COP1: variants seen among roughly 807,000 people sequenced by gnomAD.
COP1 encodes the protein COP1 E3 ubiquitin ligase.
In COP1, 24 loss-of-function variants were observed where a neutral mutation model predicts 101.3. The ratio of observed to expected loss-of-function variants is 0.24; its 90% CI spans 0.17 to 0.33. The LOEUF is 0.33. Among genes scored for constraint, COP1 ranks in the 10% least tolerant of loss-of-function variants. The pLI, the probability that COP1 is intolerant of heterozygous loss-of-function variation, is 1.00. For synonymous variants in COP1, 347 were observed against 341.9 expected, an observed-to-expected ratio of 1.01 and a Z score of -0.17; for missense variants, 663 against 906.2, an observed-to-expected ratio of 0.73 and a Z score of 3.45.
chr1:176,050,124 C>G (rs111710743), intron 11 of COP1, among the ~76,000 whole-genome samples: 1 of 152,136 alleles, frequency 6.6e-6, no homozygotes, highest in African/African-American at 2.4e-5. Context: ...TTTGAAAAAT[C>G]GTGTTTCTGG....
intron 1 of COP1, among the ~76,000 whole-genome samples, chr1:176,202,275 G>C (rs1022472284): frequency 1.4e-5 from 2 of 146,318 alleles, no homozygotes; most frequent in Admixed American, 7.1e-5. Context: ...CTGCAGCCTC[G>C]ACCTCACAGG....
intron 1 of COP1, among the ~76,000 whole-genome samples, chr1:176,199,583 A>G (rs1700067684): frequency 2.0e-5 from 3 of 152,316 alleles, no homozygotes; most frequent in South Asian, 2.1e-4. Context: ...TAATGGGATA[A>G]TACTAAGCAA....
chr1:176,152,788 T>C (rs1692832444), intron 5 of COP1, among the ~76,000 whole-genome samples: 1 of 152,196 alleles, frequency 6.6e-6, no homozygotes, highest in South Asian at 2.1e-4. Context: ...GTGTTTCCCC[T>C]ACTTGGGTTC....
At chr1:176,083,032 T>G (rs1444269792) in intron 10 of COP1, among the ~76,000 whole-genome samples, 1 of 152,080 alleles carries the variant, frequency 6.6e-6, no homozygotes, top group Non-Finnish European at 1.5e-5. Flanking sequence ...GAGACAAAAC[T>G]CTTGCTCCAC....
chr1:176,149,644 C>A (rs946200760), intron 5 of COP1, among the ~76,000 whole-genome samples: 1 of 151,890 alleles, frequency 6.6e-6, no homozygotes, highest in Non-Finnish European at 1.5e-5. Context: ...GGACAGCTTG[C>A]GGGTAGGGAG....
At chr1:176,003,270 G>A (rs1307492195) in intron 15 of COP1, among the ~76,000 whole-genome samples, 27 of 151,138 alleles carry the variant, frequency 1.8e-4, no homozygotes, top group African/African-American at 6.3e-4. Context: ...AGATGAGTAG[G>A]TTGCAAAAAT....
At chr1:176,008,069 G>T (rs1048673755) in intron 15 of COP1, among the ~76,000 whole-genome samples, 3 of 152,168 alleles carry the variant, frequency 2.0e-5, no homozygotes, top group Non-Finnish European at 4.4e-5. Flanking sequence ...TAAGCCGGTC[G>T]GAAAAGCGCA....
At chr1:176,150,467 T>C (rs1202121482) in intron 5 of COP1, among the ~76,000 whole-genome samples, 1 of 152,208 alleles carries the variant, frequency 6.6e-6, no homozygotes, top group Non-Finnish European at 1.5e-5. Flanking sequence ...AGTTAATCTG[T>C]CACACAGAAC....
At chr1:176,204,689 C>T (rs960480642) in intron 1 of COP1, among the ~76,000 whole-genome samples, 13 of 152,126 alleles carry the variant, frequency 8.5e-5, no homozygotes, top group Admixed American at 2.6e-4. Context: ...CTTGGGAGGC[C>T]GAGGCGAGCA....
Position 175,989,499 on chromosome 1 carries a change from G to C in COP1, c.1730-20C>G, listed in dbSNP as rs1657904802. ...AGTGATCTAAAACAAAACAAAATTA[G>C]ATAAATGTAGTAAATGCAGAAATGG... is the stretch of plus-strand genomic sequence containing the variant. On this transcript the variant is annotated intron_variant, in intron 15 of 19. Transcript: ENST00000367669. 5 of 1,276,956 alleles carry C rather than the reference G, an allele frequency of 3.9e-6. No homozygotes were observed. The Middle Eastern group carries it at 9.3e-4, about 237-fold the overall frequency. 79.1% of individuals were successfully genotyped at this position (1,276,956 alleles called of 1,614,324 possible). A position where few individuals can be genotyped will look rare whatever the true frequency, so the allele number is the denominator to read the frequency against.
intron 9 of COP1, among the ~76,000 whole-genome samples, chr1:176,106,456 A>G (rs1261073544): frequency 1.3e-5 from 2 of 150,320 alleles, no homozygotes; most frequent in Admixed American, 6.7e-5. Context: ...TTATAAGTTT[A>G]TAAGTTAGGC....
chr1:176,054,741 T>A (rs1026792727), intron 11 of COP1, among the ~76,000 whole-genome samples: 4 of 152,192 alleles, frequency 2.6e-5, no homozygotes, highest in Non-Finnish European at 5.9e-5. Context: ...CTATCCTGGA[T>A]CTTTTCCATA....
intron 15 of COP1, among the ~76,000 whole-genome samples, chr1:176,003,827 G>A (rs1482030819): frequency 6.6e-5 from 10 of 151,850 alleles, no homozygotes; most frequent in Non-Finnish European, 1.2e-4. Context: ...TTGACTTGGC[G>A]ATGTGGGCTC....
chr1:176,019,624 G>T (rs1295061977), intron 15 of COP1, among the ~76,000 whole-genome samples: 1 of 151,422 alleles, frequency 6.6e-6, no homozygotes, highest in African/African-American at 2.4e-5. Flanking sequence ...ACCATGGGAA[G>T]CATAGGCAGG....
intron 15 of COP1, among the ~76,000 whole-genome samples, chr1:176,026,741 C>A (rs982507775): frequency 2.0e-5 from 3 of 151,936 alleles, no homozygotes; most frequent in Admixed American, 1.3e-4. Context: ...TTGCTACTGT[C>A]TCCATCATAT....
At chr1:175,976,576 C>T (rs1654651963) in intron 18 of COP1, among the ~76,000 whole-genome samples, 1 of 152,132 alleles carries the variant, frequency 6.6e-6, no homozygotes, top group Admixed American at 6.6e-5. Flanking sequence ...CTGTGCCCGG[C>T]CTCATTTATT....
intron 11 of COP1, among the ~76,000 whole-genome samples, chr1:176,074,333 G>GT (rs1364040887): frequency 6.6e-6 from 1 of 152,106 alleles, no homozygotes; most frequent in Non-Finnish European, 1.5e-5. Flanking sequence ...ATATAAGAAA[G>GT]TAAGAAAAGC....
intron 9 of COP1, among the ~76,000 whole-genome samples, chr1:176,088,386 G>C (rs1445345385): frequency 2.0e-5 from 3 of 152,130 alleles, no homozygotes; most frequent in Non-Finnish European, 2.9e-5. Flanking sequence ...GGTGAATTAT[G>C]AGTTTCTAGA....
At chr1:176,011,448 G>A (rs905361061) in intron 15 of COP1, among the ~76,000 whole-genome samples, 1 of 152,122 alleles carries the variant, frequency 6.6e-6, no homozygotes, top group Non-Finnish European at 1.5e-5. Context: ...TAAACTCTAA[G>A]TACTTAAGAT....
Sources: allele counts gnomAD v4.1 joint callset (sites outside exome capture counted in the v4.1 genomes callset), GRCh38; gene constraint gnomAD v4.1.1; transcripts MANE v1.5; gene names NCBI Gene and HGNC (gene_info 2026-07-23, HGNC 2026-07-21).